Variants in CPAMD8 observed in about 807,000 individuals in gnomAD.
CPAMD8 encodes the protein C3 and PZP like alpha-2-macroglobulin domain containing 8, also known as C3 and PZP-like alpha-2-macroglobulin domain-containing protein 8.
CPAMD8 carries 146 observed loss-of-function variants against 224.7 expected under a neutral mutation model. That is an observed-to-expected ratio of 0.65 (90% CI 0.57 to 0.75). The LOEUF is 0.75. CPAMD8 is among the 30% of genes least tolerant of loss of function. The pLI is 0.00. For synonymous variants in CPAMD8, 966 were observed against 1,044.6 expected, an observed-to-expected ratio of 0.92 and a Z score of 1.45; for missense variants, 2,301 against 2,537.5, an observed-to-expected ratio of 0.91 and a Z score of 2.00.
At chr19:16,979,250 C>T (rs1250242623) in intron 14 of CPAMD8, among the ~76,000 whole-genome samples, 1 of 144,592 alleles carries the variant, frequency 6.9e-6, no homozygotes, top group African/African-American at 2.6e-5. Context: ...TCATCTAATC[C>T]TCATCCACCC....
intron 2 of CPAMD8, among the ~76,000 whole-genome samples, chr19:17,020,748 T>C (rs2056933245): frequency 6.6e-6 from 1 of 152,166 alleles, no homozygotes; most frequent in African/African-American, 2.4e-5. Context: ...GACCTGACTG[T>C]TCTCCCATCA....
intron 17 of CPAMD8, among the ~76,000 whole-genome samples, chr19:16,974,716 T>C (rs2055193027): frequency 6.6e-6 from 1 of 152,104 alleles, no homozygotes; most frequent in African/African-American, 2.4e-5. Flanking sequence ...CTTGTAATCC[T>C]AACACTTTGG....
In CPAMD8 at chr19:16,997,095, G is replaced by A; in HGVS notation, c.1095+16C>T. 1.9e-6 allele frequency: 3 copies of A among 1,560,144 alleles called. No homozygotes were observed. The highest frequency in any genetic ancestry group is 2.7e-6 in the Non-Finnish European group (3 of 1,130,876). ...TGGTCCTTGGGCGGGAGGCAGCACA[G>A]TCACCCCCAAGTTACCTTCCCCACG... On this transcript the variant is annotated intron_variant, in intron 11 of 41. Coordinates refer to ENST00000443236, the MANE Select transcript of CPAMD8 (RefSeq NM_015692.5).
chr19:16,916,409 C>A (rs934146755), intron 27 of CPAMD8, among the ~76,000 whole-genome samples: 4 of 151,928 alleles, frequency 2.6e-5, no homozygotes, highest in African/African-American at 7.3e-5. Flanking sequence ...GCCACCATGC[C>A]CAGCTAATAT....
chr19:16,909,094 A>G (rs1280189902), intron 29 of CPAMD8, among the ~76,000 whole-genome samples: 1 of 152,162 alleles, frequency 6.6e-6, no homozygotes, highest in Non-Finnish European at 1.5e-5. Flanking sequence ...GCACAGGTGT[A>G]GCGGGTTGAA....
chr19:16,938,594 C>A (rs190824139), intron 22 of CPAMD8, 148 bp from the exon 23 acceptor site: 1 of 589,512 alleles, frequency 1.7e-6, no homozygotes, highest in East Asian at 3.4e-5. Context: ...AGCACGGTCA[C>A]ACCAAGATCA....
chr19:16,928,976 G>A lies in CPAMD8; in HGVS notation c.3110C>T (p.Thr1037Ile). ...AKILSWDEFR[T>I]FWISWRGGLI... is the part of the protein sequence containing the mutation. ...GCCACCACGCCAGCTGATCCAGAAT[G>A]TTCTGAATTCATCCCAGGAGAGGAT... is the stretch of plus-strand genomic sequence containing the variant. The change falls in exon 24 of 42, where the codon ACA becomes ATA. Residue 1037 changes from threonine (T) to isoleucine (I), a missense_variant. Physicochemically the swap from Thr to Ile is moderately conservative, Grantham distance 89. Around this residue, in one of 4 missense-constraint regions of CPAMD8, gnomAD observed 1,709 missense variants for 1,753.2 expected, o/e 0.97. Coordinates refer to ENST00000443236, the MANE Select transcript of CPAMD8 (RefSeq NM_015692.5). 6.2e-7 allele frequency: 1 copy of A among 1,613,382 alleles called. No homozygotes were observed. Among genetic ancestry groups the A allele is most frequent in the East Asian group, 2.2e-5 (1 of 44,870 alleles).
chr19:16,992,082 G>A (rs1299902639), intron 12 of CPAMD8, among the ~76,000 whole-genome samples: 8 of 152,146 alleles, frequency 5.3e-5, no homozygotes, highest in East Asian at 1.9e-4. Context: ...GGGCCGCCAG[G>A]TCCACTGCCA....
At chr19:16,893,803 T>G in intron 41 of CPAMD8, 1 of 160,408 alleles carries the variant, frequency 6.2e-6, no homozygotes, top group East Asian at 1.8e-4. Flanking sequence ...AGCCATCTGC[T>G]TCCCCGCAGG....
intron 24 of CPAMD8, 97 bp downstream of exon 24, chr19:16,928,845 C>T: frequency 9.9e-7 from 1 of 1,008,700 alleles, no homozygotes; most frequent in Non-Finnish European, 1.4e-6. Context: ...CCTTGCTCCT[C>T]CTGACCCTGG....
At chr19:16,997,082 G>T (rs544812460) in intron 11 of CPAMD8, 29 bp downstream of exon 11, 2 of 1,431,534 alleles carry the variant, frequency 1.4e-6, no homozygotes, top group Non-Finnish European at 2.0e-6. Flanking sequence ...GTCCTTGGGC[G>T]GGAGGCAGCA....
chr19:16,952,331 A>C (rs538682646), intron 19 of CPAMD8, 131 bp from the exon 20 acceptor site: 2 of 640,228 alleles, frequency 3.1e-6, no homozygotes, highest in East Asian at 5.6e-5. Flanking sequence ...CAAGCATTGA[A>C]GGCATCACAA....
Position 16,938,414 on chromosome 19 carries a change from G to A in CPAMD8, c.2826C>T (p.Ser942=), listed in dbSNP as rs58391516. 4,027 of 1,572,616 alleles carry A rather than the reference G, an allele frequency of 2.6e-3. 62 individuals carry two copies. In the African/African-American group the frequency reaches 0.036, roughly 14 times the overall value. The change falls in exon 23 of 42, where the codon AGC becomes AGT. Residue 942 remains serine (S), a synonymous_variant. Coordinates refer to ENST00000443236, the MANE Select transcript of CPAMD8 (RefSeq NM_015692.5). The stretch of plus-strand genomic sequence containing the variant: ...ACTCACCACTGGGACAGAAGAATGC[G>A]CTGTAGGTGTACGCCCGGGGGACTC... The part of the protein sequence containing the change: ...AEGVPRAYTY[S]AFFCPSERVH...
chr19:17,004,053 G>A (rs530533951), intron 8 of CPAMD8, among the ~76,000 whole-genome samples: 16 of 151,894 alleles, frequency 1.1e-4, no homozygotes, highest in East Asian at 4.0e-4. Flanking sequence ...CCACAGGTGC[G>A]CGCCACCACG....
At chr19:16,897,358 A>C in intron 39 of CPAMD8, 1 of 200,960 alleles carries the variant, frequency 5.0e-6, no homozygotes, top group Non-Finnish European at 8.7e-6. Flanking sequence ...CGCCCTCACC[A>C]CACTGACCAC....
intron 18 of CPAMD8, among the ~76,000 whole-genome samples, chr19:16,959,051 G>A (rs1167082671): frequency 2.6e-5 from 4 of 151,768 alleles, no homozygotes; most frequent in Non-Finnish European, 5.9e-5. Flanking sequence ...CACCTGCCTC[G>A]GCCTCCCAAA....
At chr19:16,929,374 G>A in intron 23 of CPAMD8, 134 bp from the exon 24 acceptor site, 1 of 688,562 alleles carries the variant, frequency 1.5e-6, no homozygotes, top group South Asian at 1.8e-5. Context: ...TGGTGGAATG[G>A]TGTTGGCCTA....
intron 9 of CPAMD8, among the ~76,000 whole-genome samples, chr19:17,001,768 C>A (rs535828294): frequency 7.3e-5 from 11 of 150,910 alleles, no homozygotes; most frequent in African/African-American, 2.7e-4. Flanking sequence ...GAGGGGGAAG[C>A]CCGGTTGTTG....
Position 16,951,857 on chromosome 19 carries a change from C to T in CPAMD8, c.2508+112G>A, listed in dbSNP as rs545518249. ...CCTCAACATCATAGAGGCTCTCGCC[C>T]TCCTAAATCCCCCAAGCTGACACTG... On this transcript the variant is annotated intron_variant, in intron 20 of 41. Coordinates refer to ENST00000443236, the MANE Select transcript of CPAMD8 (RefSeq NM_015692.5). 237 of 713,474 alleles carry T rather than the reference C, an allele frequency of 3.3e-4. No homozygotes were observed. In the African/African-American group the frequency reaches 3.9e-3, roughly 12 times the overall value. The allele number at this position is 713,474 out of a possible 1,614,324, so 44.2% of individuals were successfully genotyped here.
Sources: allele counts gnomAD v4.1 joint callset (sites outside exome capture counted in the v4.1 genomes callset), GRCh38; gene constraint gnomAD v4.1.1; regional missense constraint gnomAD v4.1.1; transcripts MANE v1.5; gene names NCBI Gene and HGNC (gene_info 2026-07-23, HGNC 2026-07-21).